Variants in ADAMTSL1 observed in about 807,000 individuals in gnomAD.
The protein encoded by ADAMTSL1 is ADAMTS-like protein 1.
In ADAMTSL1, 126 loss-of-function variants were observed where a neutral mutation model predicts 201.8. The ratio of observed to expected loss-of-function variants is 0.62; its 90% CI spans 0.54 to 0.72. The LOEUF (loss-of-function observed/expected upper bound fraction) is 0.72. Ranked by LOEUF, ADAMTSL1 falls within the 30% of genes least tolerant of loss-of-function variation. The pLI is 0.00. For synonymous variants in ADAMTSL1, 1,121 were observed against 903.4 expected, an observed-to-expected ratio of 1.24 and a Z score of -4.32; for missense variants, 2,679 against 2,277.8, an observed-to-expected ratio of 1.18 and a Z score of -3.59.
chr9:18,513,667 G>C (rs1818177103), intron 2 of ADAMTSL1, among the ~76,000 whole-genome samples: 1 of 152,150 alleles, frequency 6.6e-6, no homozygotes, highest in Non-Finnish European at 1.5e-5. Flanking sequence ...GTTAATTTTT[G>C]TCTATGGTGA....
At chr9:18,403,862 G>A (rs1818079323) in intron 2 of ADAMTSL1, among the ~76,000 whole-genome samples, 1 of 151,880 alleles carries the variant, frequency 6.6e-6, no homozygotes, top group Admixed American at 6.6e-5. Context: ...TATTCTTATG[G>A]TCTTCTACAT....
At chr9:18,004,344 G>T (rs573620270) in intron 1 of ADAMTSL1, among the ~76,000 whole-genome samples, 1 of 151,966 alleles carries the variant, frequency 6.6e-6, no homozygotes, top group African/African-American at 2.4e-5. Context: ...CTGAGCTCTG[G>T]CTGCTTCCAT....
intron 26 of ADAMTSL1, among the ~76,000 whole-genome samples, chr9:18,893,204 C>T (rs1053566666): frequency 2.6e-5 from 4 of 152,074 alleles, no homozygotes; most frequent in Non-Finnish European, 4.4e-5. Context: ...CCTGGAAAAG[C>T]CTGCTTCTCA....
intron 23 of ADAMTSL1, among the ~76,000 whole-genome samples, chr9:18,878,149 G>C (rs2131495421): frequency 6.6e-6 from 1 of 152,288 alleles, no homozygotes; most frequent in South Asian, 2.1e-4. Context: ...AAGTTTATTT[G>C]CAGGCAGCCA....
chr9:18,477,608 A>G (rs948070720), intron 1 of ADAMTSL1, among the ~76,000 whole-genome samples: 6 of 152,196 alleles, frequency 3.9e-5, no homozygotes, highest in African/African-American at 1.4e-4. Context: ...GCACTTTTCT[A>G]TAATTGTTCA....
chr9:18,049,460 C>T (rs190518265), intron 1 of ADAMTSL1, among the ~76,000 whole-genome samples: 50 of 152,236 alleles, frequency 3.3e-4, no homozygotes, highest in Non-Finnish European at 2.9e-4. Flanking sequence ...TTTCTTTGGA[C>T]ATCGGTATGT....
At chr9:18,581,214 A>C (rs1468133498) in intron 4 of ADAMTSL1, among the ~76,000 whole-genome samples, 1 of 152,158 alleles carries the variant, frequency 6.6e-6, no homozygotes, top group Non-Finnish European at 1.5e-5. Context: ...CTCTGTTATC[A>C]AATGGCATTC....
intron 2 of ADAMTSL1, among the ~76,000 whole-genome samples, chr9:18,192,059 A>C (rs1828994147): frequency 6.6e-6 from 1 of 152,118 alleles, no homozygotes; most frequent in Non-Finnish European, 1.5e-5. Context: ...AAAGTGGTAC[A>C]TTTCATGGTC....
Position 18,777,198 on chromosome 9 carries a change from A to T in ADAMTSL1, c.2969A>T (p.Glu990Val), listed in dbSNP as rs41268983. The T allele has an allele frequency of 2.5e-6, 4 of 1,612,718 alleles. No homozygotes were observed. The South Asian group carries it at 3.3e-5, about 13-fold the overall frequency. ...VLAGRKGGPK[E>V]ALQTHKHQNG... ...GCGGGGAGGAAGGGCGGCCCGAAGG[A>T]GGCCCTGCAGACCCACAAACACCAG... The change falls in exon 19 of 29, where the codon GAG (glutamate) becomes GTG (valine). Residue 990 changes from glutamate (E) to valine (V), a missense_variant. Coordinates refer to ENST00000380548, the MANE Select transcript of ADAMTSL1 (RefSeq NM_001040272.6).
intron 2 of ADAMTSL1, among the ~76,000 whole-genome samples, chr9:18,530,600 A>G (rs543599131): frequency 2.6e-5 from 4 of 152,298 alleles, no homozygotes; most frequent in South Asian, 2.1e-4. Flanking sequence ...TTGTGCCTCT[A>G]TGCCTTTGCT....
At chr9:18,273,647 G>C (rs887714240) in intron 2 of ADAMTSL1, among the ~76,000 whole-genome samples, 1 of 152,132 alleles carries the variant, frequency 6.6e-6, no homozygotes, top group Admixed American at 6.5e-5. Context: ...AGAGTGTCAA[G>C]TGTGGTACCA....
chr9:18,815,873 C>T (rs535179862), intron 20 of ADAMTSL1, among the ~76,000 whole-genome samples: 1 of 152,084 alleles, frequency 6.6e-6, no homozygotes, highest in South Asian at 2.1e-4. Context: ...TTTTCATTGA[C>T]ACATAATAAT....
At chr9:18,214,788 T>A (rs1830003777) in intron 2 of ADAMTSL1, among the ~76,000 whole-genome samples, 1 of 152,154 alleles carries the variant, frequency 6.6e-6, no homozygotes, top group Non-Finnish European at 1.5e-5. Context: ...GAGAAAATAG[T>A]TTTACTACCT....
At chr9:18,906,670 C>T (rs568118075) in intron 27 of ADAMTSL1, 22 bp from the exon 28 acceptor site, 2 of 1,541,438 alleles carry the variant, frequency 1.3e-6, no homozygotes, top group East Asian at 2.4e-5. Context: ...CAAACCTTAA[C>T]CCTGCCACCA....
intron 2 of ADAMTSL1, among the ~76,000 whole-genome samples, chr9:18,398,033 T>C (rs1014948397): frequency 1.3e-5 from 2 of 152,202 alleles, no homozygotes; most frequent in African/African-American, 2.4e-5. Flanking sequence ...CAAGATGTAA[T>C]TGTCAGATGT....
rs1303356520 is a variant in ADAMTSL1, at chr9:18,121,617, AT to A, written c.88-42240del. Among the ~76,000 whole-genome samples the A allele has an allele frequency of 3.3e-5, 5 of 152,316 alleles. No homozygotes were observed. In the East Asian group the frequency reaches 9.6e-4, roughly 29 times the overall value. ...TGAAAAATAACTACTAAAAGAGATA[AT>A]TTTTATTAATATTTTGACTTATTCC... On this transcript the variant is annotated intron_variant, in intron 1 of 29. Transcript: ENST00000680146.
At chr9:18,612,931 C>G (rs1825474406) in intron 4 of ADAMTSL1, among the ~76,000 whole-genome samples, 1 of 152,100 alleles carries the variant, frequency 6.6e-6, no homozygotes, top group Non-Finnish European at 1.5e-5. Context: ...AACAGACAAC[C>G]TACAGAATTG....
intron 2 of ADAMTSL1, among the ~76,000 whole-genome samples, chr9:18,531,179 C>T (rs1028604046): frequency 1.3e-5 from 2 of 152,208 alleles, no homozygotes; most frequent in Admixed American, 1.3e-4. Context: ...AATAACAGAA[C>T]TGTCCATCAC....
At chr9:18,455,741 G>T (rs1015573231) in intron 2 of ADAMTSL1, among the ~76,000 whole-genome samples, 2 of 151,842 alleles carry the variant, frequency 1.3e-5, no homozygotes, top group African/African-American at 4.8e-5. Flanking sequence ...AATAAAAGTT[G>T]CCAATCTCTT....
Sources: gnomAD v4.1 joint callset for allele counts (sites outside exome capture counted in the v4.1 genomes callset) on GRCh38, gnomAD v4.1.1 for gene constraint, MANE v1.5 for transcripts, NCBI Gene and HGNC (gene_info 2026-07-23, HGNC 2026-07-21) for gene names.